The following TMEM164 variants were observed in gnomAD, a reference collection of about 807,000 sequenced individuals.
The protein encoded by TMEM164 is RP13-360B22.2.
A neutral mutation model predicts 18.8 loss-of-function variants in TMEM164; 4 were observed. That is an observed-to-expected ratio of 0.21 (90% CI 0.10 to 0.49). The LOEUF is 0.49. TMEM164 is among the 20% of genes least tolerant of loss of function. The pLI is 0.98. For missense variants in TMEM164, 108 were observed against 239.9 expected (o/e 0.45, Z 3.63); for synonymous variants, 86 against 101.7 (o/e 0.85, Z 0.93).
intron 2 of TMEM164, among the ~76,000 whole-genome samples, chrX:110,060,126 G>A (rs1161892032): frequency 9.1e-6 from 1 of 110,085 alleles, no homozygotes; most frequent in African/African-American, 3.3e-5. Context: ...AAATAGCTAG[G>A]TGTGGTGGCA....
intron 2 of TMEM164, among the ~76,000 whole-genome samples, chrX:110,053,157 A>G (rs1935649113): frequency 8.9e-6 from 1 of 112,060 alleles, no homozygotes; most frequent in African/African-American, 3.2e-5. Flanking sequence ...AAGCAAAGAT[A>G]TAACCCACAA....
chrX:110,073,968 C>T (rs991896601), intron 3 of TMEM164, among the ~76,000 whole-genome samples: 1 of 110,622 alleles, frequency 9.0e-6, no homozygotes, highest in African/African-American at 3.3e-5. Flanking sequence ...AACTCATCCT[C>T]CCGGGTCCAA....
At position 110,054,440 on chromosome X, in the gene TMEM164, A is replaced by G. The variant is rs757619146; in HGVS notation, c.391-12907A>G. ...CCAGGAAATCTCTAGAGGAGACAGA[A>G]GAAGTGGAATGAAATATTCCAGGTG... On this transcript the variant is annotated intron_variant, in intron 2 of 6. Coordinates refer to ENST00000372068, the MANE Select transcript of TMEM164 (RefSeq NM_032227.4). Among the ~76,000 whole-genome samples, 5 of 112,512 alleles carry G rather than the reference A, an allele frequency of 4.4e-5. No homozygotes were observed. The East Asian group carries it at 1.4e-3, about 31-fold the overall frequency.
intron 2 of TMEM164, among the ~76,000 whole-genome samples, chrX:110,063,582 A>G (rs1281209375): frequency 9.0e-6 from 1 of 111,344 alleles, no homozygotes. Flanking sequence ...GGAAAGAACT[A>G]AAGGTTAGTA....
chrX:110,052,342 A>G (rs755988463), intron 2 of TMEM164, among the ~76,000 whole-genome samples: 22 of 112,408 alleles, frequency 2.0e-4, no homozygotes, highest in African/African-American at 6.1e-4. Flanking sequence ...AAGGAATAGA[A>G]TAGCATATAT....
At chrX:110,154,308 T>A (rs1211275335) in intron 5 of TMEM164, among the ~76,000 whole-genome samples, 1 of 112,485 alleles carries the variant, frequency 8.9e-6, no homozygotes, top group Non-Finnish European at 1.9e-5. Context: ...TCCTATATAT[T>A]CTATTTCGTA....
Position 110,173,661 on chromosome X carries a change from C to A in TMEM164, c.*210C>A. ...CTTGAGCCTGGGGTGTAGTGCTGGG[C>A]GCTGGATTTTCCTCCTTCCCTTTGG... On this transcript the variant is annotated 3_prime_UTR_variant, in exon 7 of 7. Coordinates refer to ENST00000372068, the MANE Select transcript of TMEM164 (RefSeq NM_032227.4). The A allele has an allele frequency of 2.3e-6, 1 of 427,819 alleles. No homozygotes were observed. The highest frequency in any genetic ancestry group is 3.9e-5 in the East Asian group (1 of 25,407). 35.3% of individuals were successfully genotyped at this position (427,819 alleles called of 1,213,427 possible). A position where few individuals can be genotyped will look rare whatever the true frequency, so the allele number is the denominator to read the frequency against.
chrX:110,119,261 T>C (rs2066416160), intron 4 of TMEM164, among the ~76,000 whole-genome samples: 1 of 112,182 alleles, frequency 8.9e-6, no homozygotes, highest in Non-Finnish European at 1.9e-5. Flanking sequence ...TATACATTTA[T>C]GTATCATTTC....
chrX:110,178,828 T>G (rs2067312103), downstream of TMEM164, among the ~76,000 whole-genome samples: 1 of 112,303 alleles, frequency 8.9e-6, no homozygotes, highest in South Asian at 3.7e-4. Context: ...AGGGAGAAAG[T>G]GAGAACATGG....
At chrX:110,106,962 G>GT (rs1200971331) in intron 3 of TMEM164, among the ~76,000 whole-genome samples, 1 of 112,409 alleles carries the variant, frequency 8.9e-6, no homozygotes, top group African/African-American at 3.2e-5. Context: ...GTGACATTGC[G>GT]TTGGTGTGCC....
At chrX:110,069,570 C>T (rs2065552513) in intron 3 of TMEM164, among the ~76,000 whole-genome samples, 1 of 91,465 alleles carries the variant, frequency 1.1e-5, no homozygotes, top group African/African-American at 4.0e-5. Context: ...TTTATATTGA[C>T]TTTTTTTTTT....
At chrX:110,093,486 T>G (rs2065964975) in intron 3 of TMEM164, among the ~76,000 whole-genome samples, 1 of 112,386 alleles carries the variant, frequency 8.9e-6, no homozygotes, top group South Asian at 3.7e-4. Flanking sequence ...TAGAGGTCTT[T>G]ATAGTATTCT....
At chrX:110,178,930 T>G (rs1220655044), downstream of TMEM164, among the ~76,000 whole-genome samples, 2 of 112,349 alleles carry the variant, frequency 1.8e-5, no homozygotes, top group Non-Finnish European at 3.8e-5. Flanking sequence ...CAGCTTCCAC[T>G]GCCTTTCCAG....
At chrX:110,090,986 T>C (rs971357678) in intron 3 of TMEM164, among the ~76,000 whole-genome samples, 7 of 110,499 alleles carry the variant, frequency 6.3e-5, no homozygotes, top group Admixed American at 4.8e-4. Context: ...CGATAGTTTG[T>C]GGAGAATGAT....
intron 3 of TMEM164, among the ~76,000 whole-genome samples, chrX:110,082,602 C>G (rs2147892348): frequency 9.0e-6 from 1 of 111,327 alleles, no homozygotes; most frequent in Non-Finnish European, 1.9e-5. Context: ...GGAACCGACC[C>G]AGTCCCAAAA....
intron 3 of TMEM164, among the ~76,000 whole-genome samples, chrX:110,091,560 A>AT (rs1334280416): frequency 1.8e-5 from 2 of 111,074 alleles, no homozygotes; most frequent in East Asian, 5.6e-4. Context: ...GGGCTGTTTG[A>AT]TTTTTTCTTG....
intron 3 of TMEM164, among the ~76,000 whole-genome samples, chrX:110,086,286 A>G (rs1403887988): frequency 8.9e-6 from 1 of 112,087 alleles, no homozygotes; most frequent in Non-Finnish European, 1.9e-5. Context: ...ATTTTAGATT[A>G]GAGCAGAGAT....
chrX:110,109,010 G>C, intron 3 of TMEM164, 70 bp from the exon 4 acceptor site: 2 of 1,057,528 alleles, frequency 1.9e-6, no homozygotes. Context: ...GGCTTAACCT[G>C]ATGTGTCTTT....
intron 2 of TMEM164, among the ~76,000 whole-genome samples, chrX:110,017,446 C>CTTTCTTTCTTTCTTTCTTTCTT (rs1307149121): frequency 2.9e-4 from 23 of 79,131 alleles, no homozygotes; most frequent in African/African-American, 7.0e-4. Flanking sequence ...TTCTTTCTTT[C>CTTTCTTTCTTTCTTTCTTTCTT]TCTCTCTCTC....
Sources: allele counts gnomAD v4.1 joint callset (sites outside exome capture counted in the v4.1 genomes callset), GRCh38; gene constraint gnomAD v4.1.1; transcripts MANE v1.5; gene names NCBI Gene and HGNC (gene_info 2026-07-23, HGNC 2026-07-21).